The following BCL11A variants were observed in gnomAD, a reference collection of about 807,000 sequenced individuals.
BCL11A encodes the protein BCL11 transcription factor A.
Under a neutral mutation model 55.9 loss-of-function variants are expected in BCL11A, and 2 were observed. That is an observed-to-expected ratio of 0.04 (90% CI 0.01 to 0.11). The LOEUF (loss-of-function observed/expected upper bound fraction) is 0.11, where lower values mean the gene tolerates loss of function less well. Ranked by LOEUF, BCL11A falls within the 10% of genes least tolerant of loss-of-function variation. BCL11A has a pLI of 1.00. For synonymous variants in BCL11A, 465 were observed against 473.4 expected, an observed-to-expected ratio of 0.98 and a Z score of 0.23; for missense variants, 817 against 1,137.1, an observed-to-expected ratio of 0.72 and a Z score of 4.05.
At chr2:60,514,487 T>C (rs1006852973) in intron 2 of BCL11A, among the ~76,000 whole-genome samples, 3 of 125,744 alleles carry the variant, frequency 2.4e-5, no homozygotes, top group Non-Finnish European at 3.3e-5. Flanking sequence ...TGAAACCCCA[T>C]CTCTACTTAA....
At chr2:60,523,102 G>A (rs991444674) in intron 2 of BCL11A, among the ~76,000 whole-genome samples, 2 of 152,212 alleles carry the variant, frequency 1.3e-5, no homozygotes, top group African/African-American at 4.8e-5. Flanking sequence ...TAAGTAAGAA[G>A]TAACTGTGTA....
At chr2:60,540,466 G>C (rs1408391664) in intron 2 of BCL11A, among the ~76,000 whole-genome samples, 1 of 152,056 alleles carries the variant, frequency 6.6e-6, no homozygotes, top group African/African-American at 2.4e-5. Flanking sequence ...TTCTACTTCG[G>C]TTAAATTTAA....
chr2:60,484,925 AG>A (rs1678181411), intron 2 of BCL11A, among the ~76,000 whole-genome samples: 1 of 151,750 alleles, frequency 6.6e-6, no homozygotes. Context: ...ATCAAGTTCA[AG>A]CCAAAAAGAA....
At chr2:60,520,719 AC>A (rs1052968101) in intron 2 of BCL11A, among the ~76,000 whole-genome samples, 2 of 78,712 alleles carry the variant, frequency 2.5e-5, no homozygotes, top group African/African-American at 4.9e-5. Flanking sequence ...ACAGTCCCCC[AC>A]CCCCACCCCA....
At position 60,461,298 on chromosome 2, in the gene BCL11A, G is replaced by GTCGCCC; in HGVS notation, c.1608_1613dup (p.Gly537_Asp538insGluGly). Reference sequence around the variant, plus strand: ...TGACGTCGGGCAGGGCGCGGCTCTCGTCGCCCACGCCCACGACCGCGCCCC... The same window carrying GTCGCCC: ...TGACGTCGGGCAGGGCGCGGCTCTCGTCGCCCTCGCCCACGCCCACGACCGCGCCCC... On this transcript the variant is annotated inframe_insertion, in exon 4 of 4. Transcript: ENST00000642384. The GTCGCCC allele has an allele frequency of 6.2e-7, 1 of 1,601,956 alleles. No individual in the cohort carries two copies. The highest frequency in any genetic ancestry group is 1.1e-5 in the South Asian group (1 of 90,742).
At chr2:60,524,135 CTA>C in intron 2 of BCL11A, among the ~76,000 whole-genome samples, 1 of 152,290 alleles carries the variant, frequency 6.6e-6, no homozygotes, top group Middle Eastern at 3.4e-3. Context: ...TAAATATAAT[CTA>C]TATATCACAT....
chr2:60,546,231 T>C lies in BCL11A; in HGVS notation c.125A>G (p.Asp42Gly). The change falls in exon 2 of 4, where the codon GAT becomes GGT. Residue 42 changes from aspartate (D) to glycine (G), a missense_variant. Physicochemically the swap from Asp to Gly is moderately conservative, Grantham distance 94. Coordinates refer to ENST00000642384, the MANE Select transcript of BCL11A (RefSeq NM_022893.4). This position sits in a 1 kb window ranked among gnomAD's most constrained non-coding sequence, Gnocchi z 4.1. The part of the protein sequence containing the change: ...DHGPLGAPEG[D>G]HDLLTCGQCQ... The stretch of plus-strand genomic sequence containing the variant: ...CTGCCCACAGGTGAGGAGGTCATGA[T>C]CCCCTTCTGGAGCTCCCAACGGGCC... 6.2e-7 allele frequency: 1 copy of C among 1,614,166 alleles called. No homozygotes were observed. The highest frequency in any genetic ancestry group is 8.5e-7 in the Non-Finnish European group (1 of 1,180,024).
chr2:60,463,542 A>G (rs549673541), intron 3 of BCL11A, among the ~76,000 whole-genome samples: 1 of 152,364 alleles, frequency 6.6e-6, no homozygotes, highest in Non-Finnish European at 1.5e-5. Flanking sequence ...GGCCCTGCTT[A>G]AGTCACATTA....
chr2:60,461,616 G>C lies in BCL11A; in HGVS notation c.1296C>G (p.Ser432=), dbSNP rs779035568. ...CGTCGTCGGACTTGACCGTCATGGG[G>C]GACGATTTGTGCATGTGCGTCTTCA... ...RHMKTHMHKS[S]PMTVKSDDGL... Residue 432 remains serine, a synonymous_variant, in exon 4 of 4, where the codon TCC becomes TCG. Transcript: ENST00000642384. 41 of 1,613,702 alleles carry C rather than the reference G, an allele frequency of 2.5e-5. 1 individual carries two copies. The highest frequency in any genetic ancestry group is 1.6e-4 in the Middle Eastern group (1 of 6,062).
At chr2:60,541,084 G>T (rs964001214) in intron 2 of BCL11A, among the ~76,000 whole-genome samples, 1 of 151,994 alleles carries the variant, frequency 6.6e-6, no homozygotes, top group Non-Finnish European at 1.5e-5. Flanking sequence ...TGTTCTTGAA[G>T]TGAATACATA....
chr2:60,509,332 G>A (rs547035998), intron 2 of BCL11A, among the ~76,000 whole-genome samples: 52 of 152,340 alleles, frequency 3.4e-4, no homozygotes, highest in African/African-American at 1.2e-3. Context: ...AAAGGGAGGA[G>A]GAGAACCTGT....
chr2:60,509,934 A>C (rs1285376261), intron 2 of BCL11A, among the ~76,000 whole-genome samples: 3 of 151,988 alleles, frequency 2.0e-5, no homozygotes, highest in Non-Finnish European at 4.4e-5. Context: ...CTATTCTCCC[A>C]GTCACCGAGC....
At chr2:60,518,430 A>G (rs1055471845) in intron 2 of BCL11A, among the ~76,000 whole-genome samples, 1 of 152,236 alleles carries the variant, frequency 6.6e-6, no homozygotes, top group African/African-American at 2.4e-5. Context: ...GCGATAGAGC[A>G]GATTCAGGAT....
intron 2 of BCL11A, among the ~76,000 whole-genome samples, chr2:60,529,320 C>T (rs1669344062): frequency 6.6e-6 from 1 of 152,168 alleles, no homozygotes; most frequent in South Asian, 2.1e-4. Flanking sequence ...TGCTCAAAGG[C>T]CCTATGAGGC....
In BCL11A at chr2:60,460,836, C is replaced by T. The variant is rs146556401; in HGVS notation, c.2076G>A (p.Ser692=). ...SPFASSSEHS[S]ENGSLRFSTP... is the part of the protein sequence containing the mutation. ...TGGAGAAGCGCAAACTCCCGTTCTC[C>T]GAGGAGTGCTCCGACGAGGAGGCAA... The change falls in exon 4 of 4, where the codon TCG becomes TCA. Residue 692 remains serine, a synonymous_variant. Transcript: ENST00000642384. 1.4e-5 allele frequency: 23 copies of T among 1,612,672 alleles called. No homozygotes were observed. In the African/African-American group the frequency reaches 2.7e-4, roughly 19 times the overall value.
intron 1 of BCL11A, among the ~76,000 whole-genome samples, chr2:60,548,854 G>C (rs565133771): frequency 1.7e-4 from 26 of 152,266 alleles, no homozygotes; most frequent in African/African-American, 6.0e-4. Flanking sequence ...GTAGTCTACT[G>C]ATTTGCATTG....
chr2:60,456,920 A>C (rs1282507089), downstream of BCL11A, among the ~76,000 whole-genome samples: 1 of 152,218 alleles, frequency 6.6e-6, no homozygotes, highest in East Asian at 1.9e-4. Flanking sequence ...ATTTCTGCTA[A>C]GAGATGGAGT....
At chr2:60,535,855 C>G (rs564264871) in intron 2 of BCL11A, 1 of 152,342 alleles carries the variant, frequency 6.6e-6, no homozygotes, top group East Asian at 1.9e-4. Flanking sequence ...CACCACCATC[C>G]CACCCCAGTT....
intron 1 of BCL11A, among the ~76,000 whole-genome samples, chr2:60,549,581 G>T (rs934558663): frequency 1.3e-5 from 2 of 152,222 alleles, no homozygotes; most frequent in African/African-American, 4.8e-5. Context: ...CTCCCGCCGC[G>T]CTTGCTGCGA....
Sources: gnomAD v4.1 joint callset for allele counts (sites outside exome capture counted in the v4.1 genomes callset) on GRCh38, gnomAD v4.1.1 for gene constraint, Gnocchi (gnomAD v3.1) non-coding constraint, MANE v1.5 for transcripts, NCBI Gene and HGNC (gene_info 2026-07-23, HGNC 2026-07-21) for gene names.